GDPD1: variants seen among roughly 807,000 people sequenced by gnomAD.
The protein encoded by GDPD1 is glycerophosphodiester phosphodiesterase domain containing 1.
Under a neutral mutation model 45.1 loss-of-function variants are expected in GDPD1, and 28 were observed. The observed-to-expected ratio is 0.62, with a 90% CI of 0.46 to 0.85. The LOEUF (loss-of-function observed/expected upper bound fraction) is 0.85, where lower values mean the gene tolerates loss of function less well. GDPD1 is among the 40% of genes least tolerant of loss of function. The pLI is 0.00. For synonymous variants in GDPD1, 139 were observed against 131.4 expected (o/e 1.06, Z -0.40); for missense variants, 256 against 364.8 (o/e 0.70, Z 2.43).
chr17:59,243,081 C>T (rs1443830272), intron 2 of GDPD1, among the ~76,000 whole-genome samples: 2 of 151,902 alleles, frequency 1.3e-5, no homozygotes, highest in South Asian at 4.2e-4. Flanking sequence ...CTCAGCTACT[C>T]GGGAAGCTGA....
chr17:59,248,905 A>G (rs2047232827), intron 4 of GDPD1, 120 bp downstream of exon 4: 1 of 647,364 alleles, frequency 1.5e-6, no homozygotes. Flanking sequence ...AGGCCTACAA[A>G]TCTGAATACT....
In GDPD1 at chr17:59,220,753, T is replaced by TGA; in HGVS notation, c.142+6_142+7dup. On this transcript the variant is annotated splice_region_variant and intron_variant, in intron 1 of 9. Coordinates refer to ENST00000284116, the MANE Select transcript of GDPD1 (RefSeq NM_182569.4). ...GTAAACACATCTCTCACCGCGGAGG[T>TGA]GAGAGGGGTCCCCAGAACCCGATGA... 1 of 1,611,114 alleles carries TGA rather than the reference T, an allele frequency of 6.2e-7. No individual in the cohort carries two copies. The highest frequency in any genetic ancestry group is 1.1e-5 in the South Asian group (1 of 90,846).
rs751888755 is a variant in GDPD1 at position 59,221,859 on chromosome 17, C to T, written c.142+1108C>T. ...TTGGTGTAGTACCATAATCACTTTA[C>T]TAACAAGTATTGGCCAAGGAAAAAG... On this transcript the variant is annotated intron_variant, in intron 1 of 9. Coordinates refer to ENST00000284116, the MANE Select transcript of GDPD1 (RefSeq NM_182569.4). 3.9e-5 allele frequency among the ~76,000 whole-genome samples: 6 copies of T among 152,116 alleles called. No individual in the cohort carries two copies. The South Asian group carries it at 1.0e-3, about 26-fold the overall frequency.
chr17:59,271,681 C>T (rs1441871945), intron 8 of GDPD1, among the ~76,000 whole-genome samples: 2 of 151,148 alleles, frequency 1.3e-5, no homozygotes, highest in African/African-American at 2.4e-5. Context: ...CTTTCTCTGT[C>T]GCCCAGGCTG....
chr17:59,257,149 G>C lies in GDPD1; in HGVS notation c.395G>C (p.Arg132Pro), dbSNP rs142497686. The C allele has an allele frequency of 2.1e-5, 34 of 1,598,826 alleles. No homozygotes were observed. Among genetic ancestry groups the C allele is most frequent in the Non-Finnish European group, 2.9e-5 (34 of 1,171,496 alleles). The part of the protein sequence containing the change: ...RACQCEGKDN[R>P]IPLLKEVFEA... ...TGCCAGTGTGAAGGAAAAGATAACC[G>C]AATTCCATTACTGAAGGAAGTTTTT... Residue 132 changes from arginine (R) to proline (P), a missense_variant, in exon 5 of 10, where the codon CGA (arginine) becomes CCA (proline). Physicochemically the swap from Arg to Pro is moderately radical, Grantham distance 103 (BLOSUM62 -2). Coordinates refer to ENST00000284116, the MANE Select transcript of GDPD1 (RefSeq NM_182569.4).
intron 1 of GDPD1, among the ~76,000 whole-genome samples, chr17:59,228,551 C>CT (rs973968208): frequency 6.6e-5 from 10 of 152,254 alleles, no homozygotes; most frequent in African/African-American, 2.2e-4. Flanking sequence ...CCTCTTCTGT[C>CT]TTTCCTTTGA....
rs2147896346 is a variant in GDPD1 at position 59,257,691 on chromosome 17, A to G, written c.487-60A>G. ...CAATTCTAATTCATTTTTTAAGTGA[A>G]ATGTTGTTAGTGGATTTGCAAATAG... On this transcript the variant is annotated intron_variant, in intron 5 of 9. Transcript: ENST00000284116. 3.0e-6 allele frequency: 3 copies of G among 997,620 alleles called. No individual in the cohort carries two copies. The South Asian group carries it at 4.2e-5, about 14-fold the overall frequency. The allele number at this position is 997,620 out of a possible 1,614,324, so 61.8% of individuals were successfully genotyped here. A position where few individuals can be genotyped will look rare whatever the true frequency, so the allele number is the denominator to read the frequency against.
At chr17:59,232,404 C>T (rs2047098144) in intron 1 of GDPD1, among the ~76,000 whole-genome samples, 1 of 150,954 alleles carries the variant, frequency 6.6e-6, no homozygotes, top group Non-Finnish European at 1.5e-5. Context: ...GAGCCGAGAT[C>T]ACGCCACTGC....
intron 6 of GDPD1, among the ~76,000 whole-genome samples, chr17:59,265,691 A>C (rs1185091971): frequency 6.6e-6 from 1 of 151,820 alleles, no homozygotes; most frequent in Non-Finnish European, 1.5e-5. Context: ...TGAGCCCAGG[A>C]GTTCGAGACC....
At chr17:59,241,115 A>T (rs1306013560) in intron 2 of GDPD1, among the ~76,000 whole-genome samples, 2 of 152,234 alleles carry the variant, frequency 1.3e-5, no homozygotes, top group Non-Finnish European at 2.9e-5. Context: ...TTTAAATACC[A>T]TCTAGATTTG....
At chr17:59,251,471 A>G (rs188162938) in intron 4 of GDPD1, among the ~76,000 whole-genome samples, 1 of 151,950 alleles carries the variant, frequency 6.6e-6, no homozygotes, top group African/African-American at 2.4e-5. Context: ...GTGAGCTGAG[A>G]TCACGCCATT....
intron 1 of GDPD1, among the ~76,000 whole-genome samples, chr17:59,227,010 T>C (rs2147873428): frequency 6.6e-6 from 1 of 152,250 alleles, no homozygotes; most frequent in South Asian, 2.1e-4. Context: ...GAGAGTTTAT[T>C]GAATTGTCTC....
At chr17:59,261,195 AC>A (rs1447653944) in intron 6 of GDPD1, among the ~76,000 whole-genome samples, 1 of 152,094 alleles carries the variant, frequency 6.6e-6, no homozygotes, top group Non-Finnish European at 1.5e-5. Flanking sequence ...CGAACTCCTG[AC>A]CTCAAGTGAT....
intron 4 of GDPD1, among the ~76,000 whole-genome samples, chr17:59,256,042 G>A (rs1052590890): frequency 2.6e-5 from 4 of 151,098 alleles, no homozygotes; most frequent in South Asian, 4.2e-4. Flanking sequence ...AAAAGGGACC[G>A]GGTACATGGT....
intron 3 of GDPD1, 96 bp from the exon 4 acceptor site, chr17:59,248,644 A>G: frequency 2.4e-6 from 2 of 845,084 alleles, no homozygotes; most frequent in South Asian, 3.2e-5. Context: ...AGTCTTCTGT[A>G]TGTTAAAGAA....
chr17:59,222,685 T>G (rs1444676161), intron 1 of GDPD1, among the ~76,000 whole-genome samples: 1 of 151,826 alleles, frequency 6.6e-6, no homozygotes, highest in Non-Finnish European at 1.5e-5. Context: ...CAGCTAATTT[T>G]TGTATTTTTA....
chr17:59,256,449 T>C (rs531747513), intron 4 of GDPD1, among the ~76,000 whole-genome samples: 1 of 152,342 alleles, frequency 6.6e-6, no homozygotes, highest in African/African-American at 2.4e-5. Flanking sequence ...TGCATTCATA[T>C]AATTCTTCAA....
chr17:59,242,279 C>G (rs1177529116), intron 2 of GDPD1, among the ~76,000 whole-genome samples: 1 of 152,114 alleles, frequency 6.6e-6, no homozygotes, highest in Non-Finnish European at 1.5e-5. Context: ...GCCAGGCTGG[C>G]CTTGAACTAC....
chr17:59,243,444 C>T lies in GDPD1; in HGVS notation c.186-1970C>T, dbSNP rs191911358. ...GCTTGAACCTGGGAGGTGGAGGTTG[C>T]GGTGAGCTGAGACTGTGCCGTTGCA... On this transcript the variant is annotated intron_variant, in intron 2 of 9. Coordinates refer to ENST00000284116, the MANE Select transcript of GDPD1 (RefSeq NM_182569.4). Among the ~76,000 whole-genome samples, 33 of 151,342 alleles carry T rather than the reference C, an allele frequency of 2.2e-4. 1 individual carries two copies. Among genetic ancestry groups the T allele is most frequent in the East Asian group, 2.1e-3 (11 of 5,146 alleles).
Sources: gnomAD v4.1 joint callset for allele counts (sites outside exome capture counted in the v4.1 genomes callset) on GRCh38, gnomAD v4.1.1 for gene constraint, MANE v1.5 for transcripts, NCBI Gene and HGNC (gene_info 2026-07-23, HGNC 2026-07-21) for gene names.